Variants in DOCK3 observed in about 807,000 individuals in gnomAD.
DOCK3 encodes dedicator of cytokinesis 3.
Under a neutral mutation model 265.6 loss-of-function variants are expected in DOCK3, and 60 were observed. The ratio of observed to expected loss-of-function variants is 0.23; its 90% CI spans 0.18 to 0.28. The LOEUF (loss-of-function observed/expected upper bound fraction) is 0.28, where lower values mean the gene tolerates loss of function less well. DOCK3 is among the 10% of genes least tolerant of loss of function. DOCK3 has a pLI of 1.00. For synonymous variants in DOCK3, 881 were observed against 938.0 expected (o/e 0.94, Z 1.11); for missense variants, 1,981 against 2,594.3 (o/e 0.76, Z 5.14).
intron 49 of DOCK3, among the ~76,000 whole-genome samples, chr3:51,365,270 T>C (rs2087055361): frequency 6.6e-6 from 1 of 152,248 alleles, no homozygotes; most frequent in Non-Finnish European, 1.5e-5. Context: ...AGTTCACTCC[T>C]GATTTGGCTC....
At chr3:51,238,805 C>G (rs1212912238) in intron 21 of DOCK3, among the ~76,000 whole-genome samples, 1 of 152,176 alleles carries the variant, frequency 6.6e-6, no homozygotes, top group Non-Finnish European at 1.5e-5. Context: ...TTTTTTATGG[C>G]TGCATAGTAT....
chr3:51,194,370 A>C (rs2088140427), intron 12 of DOCK3, among the ~76,000 whole-genome samples: 1 of 152,162 alleles, frequency 6.6e-6, no homozygotes, highest in African/African-American at 2.4e-5. Flanking sequence ...AAAAGAATGT[A>C]TATTCTGCAG....
intron 1 of DOCK3, among the ~76,000 whole-genome samples, chr3:50,726,051 C>T (rs2037802897): frequency 6.6e-6 from 1 of 152,136 alleles, no homozygotes; most frequent in South Asian, 2.1e-4. Flanking sequence ...ATAACCTGTG[C>T]ACATCCTCCC....
intron 23 of DOCK3, among the ~76,000 whole-genome samples, chr3:51,261,092 G>C (rs1184399555): frequency 1.3e-5 from 2 of 152,086 alleles, no homozygotes; most frequent in African/African-American, 4.8e-5. Flanking sequence ...CTTTGGCTAA[G>C]AATTAAGATT....
chr3:51,105,496 G>A (rs1302836607), intron 9 of DOCK3, among the ~76,000 whole-genome samples: 1 of 151,974 alleles, frequency 6.6e-6, no homozygotes, highest in Non-Finnish European at 1.5e-5. Flanking sequence ...GCCAAAAATT[G>A]GAAACAAATC....
At chr3:51,098,214 G>A (rs1286857349) in intron 9 of DOCK3, among the ~76,000 whole-genome samples, 1 of 152,090 alleles carries the variant, frequency 6.6e-6, no homozygotes, top group Non-Finnish European at 1.5e-5. Flanking sequence ...CCACCACCAT[G>A]CCCATCTAAT....
chr3:51,025,129 G>T (rs1213385567), intron 5 of DOCK3, among the ~76,000 whole-genome samples: 2 of 152,106 alleles, frequency 1.3e-5, no homozygotes. Context: ...GGGGCTACAA[G>T]TCTCCTAAAA....
At chr3:51,173,124 T>A (rs947240317) in intron 12 of DOCK3, among the ~76,000 whole-genome samples, 2 of 152,202 alleles carry the variant, frequency 1.3e-5, no homozygotes, top group African/African-American at 4.8e-5. Flanking sequence ...TTATACTTTC[T>A]TTCTTTTTTC....
In DOCK3 at chr3:51,315,101, G is replaced by A; in HGVS notation, c.3375G>A (p.Glu1125=). The change falls in exon 32 of 53, where the codon GAG becomes GAA. Residue 1125 remains glutamate, a synonymous_variant. Coordinates refer to ENST00000266037, the MANE Select transcript of DOCK3 (RefSeq NM_004947.5). ...IPIFHDMMDW[E]QRKNGNFKQV... is the part of the protein sequence containing the mutation. ...TCTTTCATGACATGATGGACTGGGA[G>A]CAGAGAAAAAATGGCAACTTCAAAC... The A allele has an allele frequency of 6.2e-7, 1 of 1,610,296 alleles. No individual in the cohort carries two copies. The highest frequency in any genetic ancestry group is 2.2e-5 in the East Asian group (1 of 44,658).
intron 15 of DOCK3, among the ~76,000 whole-genome samples, chr3:51,226,229 C>T (rs547347814): frequency 3.2e-4 from 49 of 152,284 alleles, no homozygotes; most frequent in African/African-American, 1.1e-3. Flanking sequence ...AGACTCAGGC[C>T]GTGGAAGATT....
chr3:51,172,856 T>C (rs1422855059), intron 12 of DOCK3, among the ~76,000 whole-genome samples: 2 of 152,194 alleles, frequency 1.3e-5, no homozygotes, highest in African/African-American at 2.4e-5. Context: ...ACATAAAACA[T>C]TTTATAATTT....
chr3:50,973,387 T>C (rs2077319019), intron 5 of DOCK3, among the ~76,000 whole-genome samples: 1 of 137,492 alleles, frequency 7.3e-6, no homozygotes, highest in Admixed American at 7.6e-5. Context: ...GAATATGCGG[T>C]GTTTGGTTTT....
At chr3:50,840,365 A>G (rs1444436627) in intron 2 of DOCK3, among the ~76,000 whole-genome samples, 2 of 152,338 alleles carry the variant, frequency 1.3e-5, no homozygotes, top group East Asian at 1.9e-4. Flanking sequence ...GTTAAGGTCT[A>G]CGATCCATTT....
At chr3:50,966,956 C>A (rs1044755135) in intron 5 of DOCK3, among the ~76,000 whole-genome samples, 14 of 151,886 alleles carry the variant, frequency 9.2e-5, no homozygotes, top group Admixed American at 9.2e-4. Context: ...TTAAAAAAAT[C>A]TTTTTATTGA....
At position 51,225,819 on chromosome 3, in the gene DOCK3, ATAAT is replaced by A. The variant is rs779769008; in HGVS notation, c.1377+48_1377+51del. 9.5e-6 allele frequency: 15 copies of A among 1,576,024 alleles called. No homozygotes were observed. The African/African-American group carries it at 1.8e-4, about 19-fold the overall frequency. On this transcript the variant is annotated intron_variant, in intron 15 of 52. Coordinates refer to ENST00000266037, the MANE Select transcript of DOCK3 (RefSeq NM_004947.5). ...ATTTGGGTTGGAGGATAATCCTATA[ATAAT>A]TCTCTGTGGACTTTATCCAGAGGCC...
chr3:51,121,505 A>G (rs2084016544), intron 9 of DOCK3, among the ~76,000 whole-genome samples: 2 of 152,342 alleles, frequency 1.3e-5, no homozygotes, highest in East Asian at 3.9e-4. Context: ...GAAGGGGGAC[A>G]TGGAGATTTC....
chr3:50,923,592 C>T (rs1466195752), intron 4 of DOCK3, among the ~76,000 whole-genome samples: 1 of 151,996 alleles, frequency 6.6e-6, no homozygotes, highest in African/African-American at 2.4e-5. Flanking sequence ...GGTGGGGAAA[C>T]AATCACTGGG....
intron 27 of DOCK3, among the ~76,000 whole-genome samples, chr3:51,297,117 C>CAAAAAAAA (rs71633066): frequency 9.1e-5 from 6 of 65,904 alleles, no homozygotes; most frequent in South Asian, 8.2e-4. Flanking sequence ...GACTCTGTCT[C>CAAAAAAAA]AAAAAAAAAA....
chr3:51,245,207 C>G (rs975069857), intron 21 of DOCK3, among the ~76,000 whole-genome samples: 3 of 151,962 alleles, frequency 2.0e-5, no homozygotes, highest in African/African-American at 7.3e-5. Context: ...TGCATCCTCC[C>G]CTTCCTGTAA....
Sources: gnomAD v4.1 joint callset for allele counts (sites outside exome capture counted in the v4.1 genomes callset) on GRCh38, gnomAD v4.1.1 for gene constraint, MANE v1.5 for transcripts, NCBI Gene and HGNC (gene_info 2026-07-23, HGNC 2026-07-21) for gene names.